Variants in DISP3 observed in about 807,000 individuals in gnomAD.
DISP3 encodes protein dispatched homolog 3.
A neutral mutation model predicts 135.3 loss-of-function variants in DISP3; 101 were observed. The observed-to-expected ratio is 0.75, with a 90% CI of 0.64 to 0.88. DISP3 has a LOEUF of 0.88. Ranked by LOEUF, DISP3 falls within the 40% of genes least tolerant of loss-of-function variation. DISP3 has a pLI of 0.00. For synonymous variants in DISP3, 856 were observed against 817.0 expected (o/e 1.05, Z -0.81); for missense variants, 1,713 against 1,878.6 (o/e 0.91, Z 1.63).
At chr1:11,490,137 G>A (rs1337766778) in intron 1 of DISP3, among the ~76,000 whole-genome samples, 1 of 152,112 alleles carries the variant, frequency 6.6e-6, no homozygotes, top group South Asian at 2.1e-4. Flanking sequence ...GGGTGGGGGT[G>A]GTCTGGACGG....
Position 11,534,376 on chromosome 1 carries a change from C to G in DISP3, c.3376-5C>G, listed in dbSNP as rs1279277336. The stretch of plus-strand genomic sequence containing the variant: ...TGTCTCACTAGCTCACATCTCTCCC[C>G]ACAGACCACGTACAAGGGCAAATCC... On this transcript the variant is annotated splice_polypyrimidine_tract_variant and splice_region_variant and intron_variant, in intron 17 of 20. Coordinates refer to ENST00000294484, the MANE Select transcript of DISP3 (RefSeq NM_020780.2). 3.1e-6 allele frequency: 5 copies of G among 1,614,234 alleles called. No individual in the cohort carries two copies. The East Asian group carries it at 6.7e-5, about 22-fold the overall frequency.
At position 11,482,548 on chromosome 1, in the gene DISP3, G is replaced by A. The variant is rs1282400006; in HGVS notation, c.-4+3176G>A. ...AGCCCACTGCCAGCAATAAAAGTAG[G>A]CACCCCAAAATGGTGGGGTGGTAGT... On this transcript the variant is annotated intron_variant, in intron 1 of 20. Coordinates refer to ENST00000294484, the MANE Select transcript of DISP3 (RefSeq NM_020780.2). 3.9e-5 allele frequency among the ~76,000 whole-genome samples: 6 copies of A among 152,124 alleles called. No homozygotes were observed. The South Asian group carries it at 1.2e-3, about 32-fold the overall frequency.
chr1:11,480,677 G>GCACACACACACACACA (rs70983561), intron 1 of DISP3, among the ~76,000 whole-genome samples: 16 of 142,630 alleles, frequency 1.1e-4, no homozygotes, highest in Non-Finnish European at 2.0e-4. Context: ...GCGCGCGCGT[G>GCACACACACACACACA]CACACACACA....
intron 1 of DISP3, among the ~76,000 whole-genome samples, chr1:11,480,969 C>G (rs543355752): frequency 1.4e-4 from 21 of 151,856 alleles, no homozygotes; most frequent in African/African-American, 5.1e-4. Flanking sequence ...CAGACACACA[C>G]ATGTACAATC....
At chr1:11,512,801 A>T (rs1298940123) in intron 3 of DISP3, among the ~76,000 whole-genome samples, 2 of 152,188 alleles carry the variant, frequency 1.3e-5, no homozygotes, top group African/African-American at 4.8e-5. Flanking sequence ...TGAAACTGAG[A>T]ACAAAAAGAG....
chr1:11,523,860 C>A, intron 10 of DISP3, 82 bp from the exon 11 acceptor site: 1 of 1,149,818 alleles, frequency 8.7e-7, no homozygotes, highest in Non-Finnish European at 1.3e-6. Flanking sequence ...TGTCTCAGAT[C>A]CCAGCCTCTT....
At chr1:11,481,266 TCCC>T (rs963593043) in intron 1 of DISP3, 4 of 152,026 alleles carry the variant, frequency 2.6e-5, no homozygotes, top group African/African-American at 9.7e-5. Context: ...AGGTTCCATG[TCCC>T]CGTTACTCTC....
chr1:11,532,109 C>G (rs901576017), intron 17 of DISP3, among the ~76,000 whole-genome samples: 2 of 152,190 alleles, frequency 1.3e-5, no homozygotes, highest in African/African-American at 2.4e-5. Context: ...GCCAGGAGTC[C>G]GGCCATCCCC....
chr1:11,523,684 C>T (rs1642321399), intron 10 of DISP3, among the ~76,000 whole-genome samples: 1 of 151,520 alleles, frequency 6.6e-6, no homozygotes, highest in Non-Finnish European at 1.5e-5. Context: ...ACAGAGAGGG[C>T]GAGCAGGGAG....
In DISP3 at chr1:11,491,530, G is replaced by A. The variant is rs1022729446; in HGVS notation, c.-3-9460G>A. Among the ~76,000 whole-genome samples the A allele has an allele frequency of 2.0e-5, 3 of 152,106 alleles. No homozygotes were observed. Among genetic ancestry groups the A allele is most frequent in the East Asian group, 1.9e-4 (1 of 5,184 alleles). On this transcript the variant is annotated intron_variant, in intron 1 of 20. Transcript: ENST00000294484. The surrounding 1 kb of genome is among the most constrained non-coding windows in gnomAD (Gnocchi z 4.3). ...GGAGGCTGAGCGGGGAGGACCACTC[G>A]AGCCCGGGAGGTCGAGGCTGCAGTG... is the stretch of plus-strand genomic sequence containing the variant.
intron 1 of DISP3, among the ~76,000 whole-genome samples, chr1:11,495,286 G>A (rs1223969176): frequency 1.3e-5 from 2 of 152,196 alleles, no homozygotes. Context: ...AGCTACTCAG[G>A]AGGCTGAGGC....
chr1:11,502,569 C>G, intron 2 of DISP3, 109 bp from the exon 3 acceptor site: 1 of 855,892 alleles, frequency 1.2e-6, no homozygotes, highest in Non-Finnish European at 1.8e-6. Context: ...TGGATATGGA[C>G]AGGGGGAATC....
chr1:11,519,645 C>T lies in DISP3; in HGVS notation c.2039-74C>T. 6.3e-7 allele frequency: 1 copy of T among 1,576,166 alleles called. No individual in the cohort carries two copies. Among genetic ancestry groups the T allele is most frequent in the South Asian group, 1.1e-5 (1 of 87,108 alleles). On this transcript the variant is annotated intron_variant, in intron 8 of 20. Transcript: ENST00000294484. This position sits in a 1 kb window ranked among gnomAD's most constrained non-coding sequence, Gnocchi z 4.3. Reference sequence around the variant, plus strand: ...TGGGCTTCCTCACCAGGCATCTGGGCTTCCCTGGAAGCGAGCGTGGACCAC... The same window carrying T: ...TGGGCTTCCTCACCAGGCATCTGGGTTTCCCTGGAAGCGAGCGTGGACCAC...
chr1:11,518,503 A>G (rs1188898772), intron 7 of DISP3, among the ~76,000 whole-genome samples: 1 of 152,190 alleles, frequency 6.6e-6, no homozygotes, highest in Non-Finnish European at 1.5e-5. Flanking sequence ...TTCATGATAT[A>G]GAAGCAGCGT....
rs72636810 is a variant in DISP3 at position 11,535,460 on chromosome 1, C to G, written c.3650-18C>G. On this transcript the variant is annotated intron_variant, in intron 19 of 20. Transcript: ENST00000294484. ...AGGGCGGGGGATCCGAGCTGCCCCCCCTGCTGTCTCCTTGCAGGCATCGTG... is the reference window on the plus strand; with the variant it reads ...AGGGCGGGGGATCCGAGCTGCCCCCGCTGCTGTCTCCTTGCAGGCATCGTG... The G allele has an allele frequency of 7.3e-3, 11,609 of 1,593,348 alleles. 73 individuals carry two copies. The highest frequency in any genetic ancestry group is 0.012 in the Middle Eastern group (72 of 6,000).
At chr1:11,498,011 C>T (rs1049637943) in intron 1 of DISP3, among the ~76,000 whole-genome samples, 1 of 152,224 alleles carries the variant, frequency 6.6e-6, no homozygotes, top group Admixed American at 6.5e-5. Flanking sequence ...TTAAAGCTCA[C>T]ATCTACCCGC....
rs1413125624 is a variant in DISP3 at position 11,531,615 on chromosome 1, C to T, written c.3280C>T (p.Leu1094=). ...LQMLHPECKE[L]PEPNLLPGQL... is the part of the protein sequence containing the mutation. Reference sequence around the variant, plus strand: ...GATGTTGCACCCTGAGTGCAAGGAGCTGCCCGAGCCCAACCTGCTCCCGGG... The same window carrying T: ...GATGTTGCACCCTGAGTGCAAGGAGTTGCCCGAGCCCAACCTGCTCCCGGG... The change falls in exon 17 of 21, where the codon CTG becomes TTG. Residue 1094 remains leucine, a synonymous_variant. Transcript: ENST00000294484. The surrounding 1 kb of genome is among the most constrained non-coding windows in gnomAD (Gnocchi z 5.2). 1 of 1,613,432 alleles carries T rather than the reference C, an allele frequency of 6.2e-7. No individual in the cohort carries two copies. The highest frequency in any genetic ancestry group is 8.5e-7 in the Non-Finnish European group (1 of 1,179,946).
chr1:11,503,602 G>T (rs74740015), intron 3 of DISP3, among the ~76,000 whole-genome samples: 386 of 152,146 alleles, frequency 2.5e-3, no homozygotes, highest in African/African-American at 8.9e-3. Context: ...TCACCTTTCT[G>T]CCCTTTCATT....
At chr1:11,514,592 C>T in intron 4 of DISP3, 66 bp downstream of exon 4, 1 of 1,541,178 alleles carries the variant, frequency 6.5e-7, no homozygotes, top group Non-Finnish European at 8.9e-7. Context: ...CCAGAGCCTG[C>T]CTTCTCAAGA....
Sources: gnomAD v4.1 joint callset for allele counts (sites outside exome capture counted in the v4.1 genomes callset) on GRCh38, gnomAD v4.1.1 for gene constraint, Gnocchi (gnomAD v3.1) non-coding constraint, MANE v1.5 for transcripts, NCBI Gene and HGNC (gene_info 2026-07-23, HGNC 2026-07-21) for gene names.